Variants in TMEM176A observed in about 807,000 individuals in gnomAD.
The protein encoded by TMEM176A is hepatocellular carcinoma-associated antigen 112.
Under a neutral mutation model 27.9 loss-of-function variants are expected in TMEM176A, and 20 were observed. The ratio of observed to expected loss-of-function variants is 0.72; its 90% confidence interval spans 0.50 to 1.04. The LOEUF is 1.04. Ranked by LOEUF, TMEM176A falls within the 50% of genes least tolerant of loss-of-function variation. The pLI is 0.00. For missense variants in TMEM176A, 252 were observed against 289.1 expected, an observed-to-expected ratio of 0.87 and a Z score of 0.93; for synonymous variants, 125 against 118.0, an observed-to-expected ratio of 1.06 and a Z score of -0.38.
Position 150,804,933 on chromosome 7 carries a change from GGAA to G in TMEM176A, c.*72_*74del. The G allele has an allele frequency of 1.3e-6, 2 of 1,556,184 alleles. No homozygotes were observed. Among genetic ancestry groups the G allele is most frequent in the East Asian group, 2.2e-5 (1 of 44,600 alleles). On this transcript the variant is annotated 3_prime_UTR_variant, in exon 7 of 7. Coordinates refer to ENST00000004103, the MANE Select transcript of TMEM176A (RefSeq NM_018487.3). ...CCGGGCGTCCCTGCATCTGACTGCT[GGAA>G]GAAGAACCAGACTGAGGAAAAGAGG...
intron 6 of TMEM176A, 30 bp downstream of exon 6, chr7:150,804,502 T>G (rs369211733): frequency 6.3e-7 from 1 of 1,582,628 alleles, no homozygotes; most frequent in South Asian, 1.1e-5. Context: ...GCCTGTGTAT[T>G]TGGGGCAGTG....
chr7:150,803,931 C>G, intron 5 of TMEM176A, 99 bp downstream of exon 5: 1 of 1,101,770 alleles, frequency 9.1e-7, no homozygotes, highest in Non-Finnish European at 1.3e-6. Flanking sequence ...TAGGTGTTAC[C>G]TATTCTGCAC....
At chr7:150,803,325 T>C in intron 3 of TMEM176A, 75 bp from the exon 4 acceptor site, 1 of 1,503,904 alleles carries the variant, frequency 6.6e-7, no homozygotes, top group Non-Finnish European at 8.9e-7. Context: ...GGGAAGGGCC[T>C]GCATGGAGGC....
Position 150,803,687 on chromosome 7 carries a change from A to G in TMEM176A, c.410A>G (p.Asn137Ser). The G allele has an allele frequency of 6.2e-7, 1 of 1,614,156 alleles. No individual in the cohort carries two copies. Among genetic ancestry groups the G allele is most frequent in the South Asian group, 1.1e-5 (1 of 91,080 alleles). The change falls in exon 5 of 7, where the codon AAT (asparagine) becomes AGT (serine). Residue 137 changes from asparagine (N) to serine (S), a missense_variant. Transcript: ENST00000004103. ...STAIAALKLW[N>S]EDFRYGYSYY... ...GCCATCGCTGCCCTCAAACTTTGGAATGAAGATTTCCGATATGGCTACTCT... is the reference window on the plus strand; with the variant it reads ...GCCATCGCTGCCCTCAAACTTTGGAGTGAAGATTTCCGATATGGCTACTCT...
At chr7:150,800,872 G>A in intron 1 of TMEM176A, 44 bp downstream of exon 1, 3 of 980,824 alleles carry the variant, frequency 3.1e-6, no homozygotes, top group South Asian at 4.7e-5. Flanking sequence ...GCCTCCTTCC[G>A]CACGCACCCC....
chr7:150,804,173 G>T (rs1041881211), intron 5 of TMEM176A, among the ~76,000 whole-genome samples, 189 bp from the exon 6 acceptor site: 1 of 152,198 alleles, frequency 6.6e-6, no homozygotes, highest in Non-Finnish European at 1.5e-5. Flanking sequence ...CTGTACAAAT[G>T]AGGACACAGG....
chr7:150,802,089 C>CTCTTCTCTTCTCTTT, intron 2 of TMEM176A, 126 bp from the exon 3 acceptor site: 1 of 683,132 alleles, frequency 1.5e-6, no homozygotes, highest in Non-Finnish European at 2.5e-6. Context: ...CTCTTCTCTT[C>CTCTTCTCTTCTCTTT]TCTTCTCTTC....
chr7:150,802,272 C>G lies in TMEM176A; in HGVS notation c.232C>G (p.Arg78Gly). ...AGTCCTAGGAGGATTTTTCTACATCCGCGACTACACCCTCCTCGTCACCTC... is the reference window on the plus strand; with the variant it reads ...AGTCCTAGGAGGATTTTTCTACATCGGCGACTACACCCTCCTCGTCACCTC... ...SAVLGGFFYI[R>G]DYTLLVTSGA... Residue 78 changes from arginine (R) to glycine (G), a missense_variant, in exon 3 of 7, where the codon CGC becomes GGC. Transcript: ENST00000004103. 1 of 1,613,540 alleles carries G rather than the reference C, an allele frequency of 6.2e-7. No individual in the cohort carries two copies. Among genetic ancestry groups the G allele is most frequent in the Non-Finnish European group, 8.5e-7 (1 of 1,179,888 alleles).
At position 150,803,758 on chromosome 7, in the gene TMEM176A, A is replaced by T. The variant is rs749197509; in HGVS notation, c.481A>T (p.Thr161Ser). 1 of 1,614,010 alleles carries T rather than the reference A, an allele frequency of 6.2e-7. No homozygotes were observed. The highest frequency in any genetic ancestry group is 8.5e-7 in the Non-Finnish European group (1 of 1,180,016). The change falls in exon 5 of 7, where the codon ACT (threonine) becomes TCT (serine). Residue 161 changes from threonine (T) to serine (S), a missense_variant. Transcript: ENST00000004103. The stretch of plus-strand genomic sequence containing the variant: ...CATCTCCAGCTCGAGTGACTGGAAC[A>T]CTCCAGCCCCCACTCAGAGTCCAGA... ...CRISSSSDWN[T>S]PAPTQSPEEV...
At chr7:150,803,050 T>C (rs917147003) in intron 3 of TMEM176A, 8 of 1,027,464 alleles carry the variant, frequency 7.8e-6, no homozygotes, top group South Asian at 8.3e-5. Flanking sequence ...TCACCCTTCA[T>C]TGAGATCTTC....
rs1798852982 is a variant in TMEM176A at position 150,803,216 on chromosome 7, G to T, written c.286-184G>T. On this transcript the variant is annotated intron_variant, in intron 3 of 6. Transcript: ENST00000004103. ...AGGTGTCACTAAAGCAGGGCCTTTT[G>T]CAGCCTCAGGAGTTGGATCCAGGCT... 4 of 1,338,576 alleles carry T rather than the reference G, an allele frequency of 3.0e-6. No individual in the cohort carries two copies. In the East Asian group the frequency reaches 1.1e-4, roughly 38 times the overall value. 82.9% of individuals were successfully genotyped at this position (1,338,576 alleles called of 1,614,324 possible). A position where few individuals can be genotyped will look rare whatever the true frequency, so the allele number is the denominator to read the frequency against.
Position 150,805,095 on chromosome 7 carries a change from T to C in TMEM176A, c.*227T>C, listed in dbSNP as rs78809157. On this transcript the variant is annotated 3_prime_UTR_variant, in exon 7 of 7. Transcript: ENST00000004103. ...CCCCTCCTGAGTAGTCATGTGATAA[T>C]AAACTCTCATGTTATTGTTCCCAGG... 7,748 of 550,358 alleles carry C rather than the reference T, an allele frequency of 0.014. 365 individuals carry two copies. Among genetic ancestry groups the C allele is most frequent in the African/African-American group, 0.11 (5,725 of 52,812 alleles). The allele number at this position is 550,358 out of a possible 1,614,324, so 34.1% of individuals were successfully genotyped here. A position where few individuals can be genotyped will look rare whatever the true frequency, so the allele number is the denominator to read the frequency against.
rs1441058252 is a variant in TMEM176A at position 150,804,877 on chromosome 7, C to T, written c.*9C>T. 1.2e-6 allele frequency: 2 copies of T among 1,614,032 alleles called. No individual in the cohort carries two copies. Among genetic ancestry groups the T allele is most frequent in the Non-Finnish European group, 1.7e-6 (2 of 1,179,994 alleles). ...AAGTGAGTGGAATCTAGCCATGCCT[C>T]TCCTGATTATTAGTGCCTGGTGCTT... is the stretch of plus-strand genomic sequence containing the variant. On this transcript the variant is annotated 3_prime_UTR_variant, in exon 7 of 7. Transcript: ENST00000004103.
At chr7:150,801,025 G>A in intron 1 of TMEM176A, 197 bp downstream of exon 1, 2 of 982,520 alleles carry the variant, frequency 2.0e-6, no homozygotes, top group Non-Finnish European at 2.4e-6. Flanking sequence ...TCACGGGGCA[G>A]GGGCGGCGTG....
At position 150,801,643 on chromosome 7, in the gene TMEM176A, G is replaced by A. The variant is rs1357351715; in HGVS notation, c.93G>A (p.Lys31=). The A allele has an allele frequency of 1.9e-6, 3 of 1,613,388 alleles. No individual in the cohort carries two copies. Among genetic ancestry groups the A allele is most frequent in the Non-Finnish European group, 2.5e-6 (3 of 1,179,908 alleles). Residue 31 remains lysine (K), a synonymous_variant, in exon 2 of 7, where the codon AAG becomes AAA. Coordinates refer to ENST00000004103, the MANE Select transcript of TMEM176A (RefSeq NM_018487.3). ...TCCACCAGGAGTCTGCCCTGGCCAA[G>A]CTCCTGCTCACCTGCTGCTCTGCGC... The part of the protein sequence containing the change: ...VHIHQESALA[K]LLLTCCSALR...
intron 5 of TMEM176A, 86 bp from the exon 6 acceptor site, chr7:150,804,275 AT>A: frequency 9.0e-7 from 1 of 1,105,588 alleles, no homozygotes. Flanking sequence ...AGGGGTAGAG[AT>A]TTTCCCAGGT....
At chr7:150,802,076 TTTCTCTTCTC>T (rs28364765) in intron 2 of TMEM176A, 129 bp from the exon 3 acceptor site, 26 of 579,030 alleles carry the variant, frequency 4.5e-5, no homozygotes, top group African/African-American at 7.7e-5. Flanking sequence ...TTCTTCTCCT[TTTCTCTTCTC>T]TTCTCTTCTC....
chr7:150,803,701 T>A lies in TMEM176A; in HGVS notation c.424T>A (p.Tyr142Asn). The A allele has an allele frequency of 6.2e-7, 1 of 1,614,188 alleles. No individual in the cohort carries two copies. The highest frequency in any genetic ancestry group is 1.3e-5 in the African/African-American group (1 of 75,046). The change falls in exon 5 of 7, where the codon TAT (tyrosine) becomes AAT (asparagine). Residue 142 changes from tyrosine to asparagine, a missense_variant. Tyr to Asn is a moderately radical substitution (Grantham distance 143). Transcript: ENST00000004103. ...ALKLWNEDFRYGYSYYNSACR... is the reference protein window; with the variant it reads ...ALKLWNEDFRNGYSYYNSACR... ...CAAACTTTGGAATGAAGATTTCCGA[T>A]ATGGCTACTCTTATTACAACAGTGC...
Position 150,801,537 on chromosome 7 carries a change from CTG to C in TMEM176A, c.-10_-9del. The C allele has an allele frequency of 6.3e-7, 1 of 1,584,498 alleles. No homozygotes were observed. Among genetic ancestry groups the C allele is most frequent in the African/African-American group, 1.4e-5 (1 of 73,622 alleles). On this transcript the variant is annotated splice_region_variant and 5_prime_UTR_variant, in exon 2 of 7. Transcript: ENST00000004103. ...TCTCTGGTGCTCCCTTCCTCATAGA[CTG>C]TGTCCCTGACAATGGGAACAGCCGA...
Sources: allele counts gnomAD v4.1 joint callset (sites outside exome capture counted in the v4.1 genomes callset), GRCh38; gene constraint gnomAD v4.1.1; transcripts MANE v1.5; gene names NCBI Gene and HGNC (gene_info 2026-07-23, HGNC 2026-07-21).